TAS2R1: variants seen among roughly 807,000 people sequenced by gnomAD.
The protein encoded by TAS2R1 is taste receptor type 2 member 1.
For synonymous variants in TAS2R1, 141 were observed against 134.2 expected, an observed-to-expected ratio of 1.05 and a Z score of -0.35; for missense variants, 370 against 353.4, an observed-to-expected ratio of 1.05 and a Z score of -0.38.
intron 1 of TAS2R1, among the ~76,000 whole-genome samples, chr5:9,685,310 A>G (rs949506515): frequency 6.6e-6 from 1 of 152,194 alleles, no homozygotes; most frequent in African/African-American, 2.4e-5. Context: ...TTAATTGGCC[A>G]TACAATATAA....
chr5:9,762,945 A>G, the TAS2R1 span, among the ~76,000 whole-genome samples: 1 of 152,234 alleles, frequency 6.6e-6, no homozygotes, highest in South Asian at 2.1e-4. Flanking sequence ...ATTTCCCCAT[A>G]GGATTCTTTT....
chr5:9,711,684 C>G (rs544153987), intron 1 of TAS2R1, among the ~76,000 whole-genome samples: 1 of 152,122 alleles, frequency 6.6e-6, no homozygotes, highest in African/African-American at 2.4e-5. Flanking sequence ...TATTTATTTT[C>G]TGAAATGGAG....
the TAS2R1 span, among the ~76,000 whole-genome samples, chr5:9,831,239 G>GT: frequency 0.06 from 9,097 of 152,142 alleles, 642 homozygotes; most frequent in East Asian, 0.23. Context: ...CAGCAAATAC[G>GT]TTTATTTCCA....
chr5:9,675,105 C>CATAT (rs10580967), intron 1 of TAS2R1, among the ~76,000 whole-genome samples: 268 of 146,036 alleles, frequency 1.8e-3, no homozygotes, highest in African/African-American at 6.6e-3. Context: ...AAAATGAAAT[C>CATAT]ATATATATAT....
chr5:9,832,193 C>G, the TAS2R1 span, among the ~76,000 whole-genome samples: 1 of 152,196 alleles, frequency 6.6e-6, no homozygotes, highest in South Asian at 2.1e-4. Context: ...ACATTGACAT[C>G]TTGGCATTTC....
intron 1 of TAS2R1, among the ~76,000 whole-genome samples, chr5:9,711,717 G>A (rs1335732531): frequency 6.6e-6 from 1 of 152,116 alleles, no homozygotes; most frequent in African/African-American, 2.4e-5. Context: ...GCCCAGGCTG[G>A]AGCGCAGTGG....
the TAS2R1 span, among the ~76,000 whole-genome samples, chr5:9,788,334 G>T: frequency 2.0e-5 from 3 of 152,304 alleles, no homozygotes; most frequent in East Asian, 5.8e-4. Flanking sequence ...GCTTAAGGAT[G>T]ACTGACTGTA....
upstream of TAS2R1, among the ~76,000 whole-genome samples, chr5:9,632,941 AT>A (rs549795402): frequency 2.8e-3 from 426 of 152,028 alleles, 2 homozygotes; most frequent in Admixed American, 4.5e-3. Flanking sequence ...AAAATGGTGA[AT>A]CCTTTCCAGA....
chr5:9,748,521 A>G, the TAS2R1 span, among the ~76,000 whole-genome samples: 1 of 152,106 alleles, frequency 6.6e-6, no homozygotes, highest in African/African-American at 2.4e-5. Context: ...TTGGGTAGCT[A>G]TATCTCATGG....
the TAS2R1 span, among the ~76,000 whole-genome samples, chr5:9,798,983 C>T: frequency 6.6e-6 from 1 of 152,174 alleles, no homozygotes; most frequent in East Asian, 1.9e-4. Flanking sequence ...CAAAGAGGTT[C>T]CTCTCCCCTT....
chr5:9,785,420 G>C, the TAS2R1 span, among the ~76,000 whole-genome samples: 1 of 152,208 alleles, frequency 6.6e-6, no homozygotes, highest in African/African-American at 2.4e-5. Flanking sequence ...TATCTTTAAT[G>C]ATTGTATTAT....
chr5:9,666,131 A>T (rs1740628257), intron 1 of TAS2R1, among the ~76,000 whole-genome samples: 1 of 152,196 alleles, frequency 6.6e-6, no homozygotes, highest in Non-Finnish European at 1.5e-5. Context: ...GTGGAAAAAT[A>T]ATTATAAGGA....
the TAS2R1 span, among the ~76,000 whole-genome samples, chr5:9,777,260 C>A: frequency 2.6e-5 from 4 of 152,238 alleles, no homozygotes; most frequent in African/African-American, 9.6e-5. Context: ...AAATTGGAAT[C>A]AATCCCCTCA....
chr5:9,893,914 T>G, the TAS2R1 span, among the ~76,000 whole-genome samples: 1 of 152,216 alleles, frequency 6.6e-6, no homozygotes, highest in East Asian at 1.9e-4. Context: ...ACATGGCCTT[T>G]AGGCTTTTAG....
chr5:9,711,853 T>G (rs1423383012), intron 1 of TAS2R1, among the ~76,000 whole-genome samples: 1 of 148,784 alleles, frequency 6.7e-6, no homozygotes, highest in Non-Finnish European at 1.5e-5. Context: ...TTTAGTAGAG[T>G]TGGGGTTTCG....
the TAS2R1 span, among the ~76,000 whole-genome samples, chr5:9,725,714 G>A: frequency 2.6e-5 from 4 of 152,342 alleles, no homozygotes; most frequent in South Asian, 4.1e-4. Flanking sequence ...AGGAGTGCAG[G>A]CACACGGCAC....
the TAS2R1 span, among the ~76,000 whole-genome samples, chr5:9,872,798 GA>G: frequency 6.6e-6 from 1 of 152,184 alleles, no homozygotes; most frequent in Non-Finnish European, 1.5e-5. Flanking sequence ...GCAGGCAAAA[GA>G]TAATAACCAT....
At chr5:9,893,964 C>T in the TAS2R1 span, among the ~76,000 whole-genome samples, 4 of 152,230 alleles carry the variant, frequency 2.6e-5, no homozygotes, top group East Asian at 7.7e-4. Context: ...ATATGTTGAC[C>T]CTACGAAAGT....
At chr5:9,728,624 A>G in the TAS2R1 span, among the ~76,000 whole-genome samples, 3 of 152,346 alleles carry the variant, frequency 2.0e-5, no homozygotes, top group Middle Eastern at 0.01. Context: ...TAAATAGTTC[A>G]TGGGGGATGA....
Sources: gnomAD v4.1 joint callset for allele counts (sites outside exome capture counted in the v4.1 genomes callset) on GRCh38, gnomAD v4.1.1 for gene constraint, MANE v1.5 for transcripts, NCBI Gene and HGNC (gene_info 2026-07-23, HGNC 2026-07-21) for gene names.